The following NCOR1 variants were observed in gnomAD, a reference collection of about 807,000 sequenced individuals.
NCOR1 encodes nuclear receptor corepressor 1.
A neutral mutation model predicts 288.1 loss-of-function variants in NCOR1; 63 were observed. The observed-to-expected ratio is 0.22, with a 90% CI of 0.18 to 0.27. NCOR1 has a LOEUF of 0.27. Ranked by LOEUF, NCOR1 falls within the 10% of genes least tolerant of loss-of-function variation. The pLI is 1.00. For synonymous variants in NCOR1, 1,007 were observed against 1,065.9 expected (o/e 0.94, Z 1.08); for missense variants, 2,397 against 3,019.2 (o/e 0.79, Z 4.83).
At chr17:16,117,841 C>G (rs781075218) in intron 18 of NCOR1, 47 bp downstream of exon 18, 10 of 1,581,362 alleles carry the variant, frequency 6.3e-6, no homozygotes, top group Non-Finnish European at 8.6e-6. Context: ...CAACAACACT[C>G]TAAGTAAAAA....
At chr17:16,077,957 C>G (rs2062812165) in intron 26 of NCOR1, among the ~76,000 whole-genome samples, 1 of 152,188 alleles carries the variant, frequency 6.6e-6, no homozygotes, top group African/African-American at 2.4e-5. Context: ...AAATATCAAA[C>G]TGACTACTAG....
chr17:16,147,504 A>C (rs1484271863), intron 9 of NCOR1, among the ~76,000 whole-genome samples: 1 of 152,264 alleles, frequency 6.6e-6, no homozygotes, highest in Admixed American at 6.5e-5. Flanking sequence ...ATAGAGAAGA[A>C]AAGACAGACG....
intron 5 of NCOR1, among the ~76,000 whole-genome samples, chr17:16,160,833 T>C (rs2080700818): frequency 6.6e-6 from 1 of 151,910 alleles, no homozygotes; most frequent in Non-Finnish European, 1.5e-5. Context: ...AAGCTCCCAG[T>C]ACTGTAAATC....
intron 14 of NCOR1, among the ~76,000 whole-genome samples, chr17:16,128,455 T>C (rs2075092392): frequency 6.6e-6 from 1 of 152,196 alleles, no homozygotes; most frequent in South Asian, 2.1e-4. Context: ...TGGCTCTCTG[T>C]GTTATCATCT....
At chr17:16,170,107 C>CTCTGTGTGTG (rs112560553) in intron 4 of NCOR1, among the ~76,000 whole-genome samples, 1 of 147,684 alleles carries the variant, frequency 6.8e-6, no homozygotes, top group African/African-American at 2.5e-5. Flanking sequence ...TATTTGCTTT[C>CTCTGTGTGTG]TGTGTGTGTG....
chr17:16,069,636 G>A lies in NCOR1; in HGVS notation c.4513+529C>T, dbSNP rs558621033. Among the ~76,000 whole-genome samples the A allele has an allele frequency of 9.9e-4, 151 of 152,158 alleles. 1 individual carries two copies. The highest frequency in any genetic ancestry group is 1.0e-3 in the South Asian group (5 of 4,818). Reference sequence around the variant, plus strand: ...TTTATCGAGCCCTTCGTAAATACTCGGCACCATTCTAAGTTCTTTACATGT... The same window carrying A: ...TTTATCGAGCCCTTCGTAAATACTCAGCACCATTCTAAGTTCTTTACATGT... On this transcript the variant is annotated intron_variant, in intron 31 of 45. Coordinates refer to ENST00000268712, the MANE Select transcript of NCOR1 (RefSeq NM_006311.4).
chr17:16,204,440 T>A (rs1244892710), intron 1 of NCOR1, among the ~76,000 whole-genome samples: 2 of 152,190 alleles, frequency 1.3e-5, no homozygotes. Flanking sequence ...TCCTTTGTTT[T>A]AAAAATACAA....
chr17:16,044,863 AC>A (rs750950022), intron 42 of NCOR1: 1,093 of 807,806 alleles, frequency 1.4e-3, no homozygotes, highest in Non-Finnish European at 1.8e-3. Flanking sequence ...GATCCTGCCC[AC>A]TCCACTGCTG....
chr17:16,065,109 C>T, intron 33 of NCOR1, 90 bp from the exon 34 acceptor site: 10 of 1,194,576 alleles, frequency 8.4e-6, no homozygotes, highest in Non-Finnish European at 1.2e-5. Flanking sequence ...CTCTGTGAAT[C>T]AAGGGTAATT....
intron 14 of NCOR1, among the ~76,000 whole-genome samples, chr17:16,127,533 ATC>A (rs1491422336): frequency 1.5e-5 from 2 of 135,600 alleles, no homozygotes; most frequent in East Asian, 2.0e-4. Context: ...ACGTGTATAT[ATC>A]TGCATGTATA....
intron 39 of NCOR1, 47 bp from the exon 40 acceptor site, chr17:16,057,784 C>CAA: frequency 2.2e-6 from 3 of 1,342,934 alleles, no homozygotes; most frequent in Non-Finnish European, 3.0e-6. Context: ...TGAGTACTTG[C>CAA]AAAAAAAAAA....
chr17:16,100,744 T>A (rs2067470976), intron 20 of NCOR1, among the ~76,000 whole-genome samples: 1 of 152,276 alleles, frequency 6.6e-6, no homozygotes, highest in Non-Finnish European at 1.5e-5. Context: ...GTGGTCATAA[T>A]TATCATTACT....
chr17:16,160,802 A>C (rs1211429322), intron 5 of NCOR1, among the ~76,000 whole-genome samples: 1 of 152,138 alleles, frequency 6.6e-6, no homozygotes, highest in Non-Finnish European at 1.5e-5. Context: ...AAAAAAACTA[A>C]ATAAATAAGA....
At chr17:16,162,575 C>A (rs1232879654) in intron 5 of NCOR1, among the ~76,000 whole-genome samples, 1 of 151,568 alleles carries the variant, frequency 6.6e-6, no homozygotes, top group Non-Finnish European at 1.5e-5. Context: ...TGAAAGAATA[C>A]GGATTTAGAC....
At chr17:16,064,761 A>G in intron 34 of NCOR1, 109 bp downstream of exon 34, 1 of 1,127,434 alleles carries the variant, frequency 8.9e-7, no homozygotes, top group South Asian at 2.0e-5. Flanking sequence ...TTAAAAGAAA[A>G]ACAAGAAACC....
At chr17:16,102,605 T>G (rs559793832) in intron 19 of NCOR1, among the ~76,000 whole-genome samples, 2 of 152,102 alleles carry the variant, frequency 1.3e-5, no homozygotes, top group Middle Eastern at 3.4e-3. Flanking sequence ...CTAATTTTTT[T>G]TTTTTGGAGG....
At chr17:16,148,081 T>C (rs182540797) in intron 9 of NCOR1, among the ~76,000 whole-genome samples, 74 of 152,338 alleles carry the variant, frequency 4.9e-4, no homozygotes, top group Admixed American at 1.1e-3. Flanking sequence ...CCTTCCAAAG[T>C]GCTGGGATTA....
Position 16,070,241 on chromosome 17 carries a change from G to T in NCOR1, c.4437C>A (p.Thr1479=). ...AACTCACAGGGGTCCTCCGTGCACT[G>T]GTGTCATCATAAATCCCAGGGCTCA... ...AQLSPGIYDD[T]SARRTPVSYQ... is the part of the protein sequence containing the mutation. The change falls in exon 31 of 46, where the codon ACC becomes ACA. Residue 1479 remains threonine (T), a synonymous_variant. Coordinates refer to ENST00000268712, the MANE Select transcript of NCOR1 (RefSeq NM_006311.4). 6.2e-7 allele frequency: 1 copy of T among 1,613,898 alleles called. No individual in the cohort carries two copies. Among genetic ancestry groups the T allele is most frequent in the South Asian group, 1.1e-5 (1 of 91,068 alleles).
chr17:16,201,056 G>A lies in NCOR1; in HGVS notation c.-70-6417C>T, dbSNP rs975775445. ...ATAAACTAAAGCATTCTTCCCTTTG[G>A]GGGGAAAAAAAAGCTACTGCTTCTC... On this transcript the variant is annotated intron_variant, in intron 1 of 45. Transcript: ENST00000268712. 9.9e-5 allele frequency among the ~76,000 whole-genome samples: 15 copies of A among 152,090 alleles called. No homozygotes were observed. The South Asian group carries it at 1.0e-3, about 11-fold the overall frequency.
Sources: gnomAD v4.1 joint callset for allele counts (sites outside exome capture counted in the v4.1 genomes callset) on GRCh38, gnomAD v4.1.1 for gene constraint, MANE v1.5 for transcripts, NCBI Gene and HGNC (gene_info 2026-07-23, HGNC 2026-07-21) for gene names.